TUSC3: variants seen among roughly 807,000 people sequenced by gnomAD.
TUSC3 encodes tumor suppressor candidate 3.
Under a neutral mutation model 44.8 loss-of-function variants are expected in TUSC3, and 45 were observed. That is an observed-to-expected ratio of 1.00 (90% confidence interval 0.79 to 1.29). TUSC3 has a LOEUF of 1.29. TUSC3 is among the 50% of genes most tolerant of loss of function. The probability of loss-of-function intolerance (pLI) is 0.00; values close to 1 mark genes in which losing one functional copy is unlikely to be tolerated. For synonymous variants in TUSC3, 212 were observed against 152.9 expected, an observed-to-expected ratio of 1.39 and a Z score of -2.85; for missense variants, 519 against 437.9, an observed-to-expected ratio of 1.19 and a Z score of -1.65.
intron 1 of TUSC3, among the ~76,000 whole-genome samples, chr8:15,460,374 T>G (rs1329802381): frequency 6.6e-6 from 1 of 152,196 alleles, no homozygotes; most frequent in East Asian, 1.9e-4. Flanking sequence ...TAGCCCAGTT[T>G]TCTATGGGAT....
At chr8:15,792,519 G>A in the TUSC3 span, among the ~76,000 whole-genome samples, 1 of 152,182 alleles carries the variant, frequency 6.6e-6, no homozygotes, top group Non-Finnish European at 1.5e-5. Flanking sequence ...TGAAATTCAT[G>A]ATCGGGGACC....
At chr8:15,844,692 T>C in the TUSC3 span, among the ~76,000 whole-genome samples, 1 of 152,204 alleles carries the variant, frequency 6.6e-6, no homozygotes, top group Non-Finnish European at 1.5e-5. Flanking sequence ...CCTAGGACAG[T>C]CATTCTTTAA....
the TUSC3 span, among the ~76,000 whole-genome samples, chr8:15,847,911 T>C: frequency 6.6e-6 from 1 of 152,190 alleles, no homozygotes; most frequent in African/African-American, 2.4e-5. Context: ...TGTGAGGTTA[T>C]TGTGAGAAAT....
chr8:15,641,491 G>A lies in TUSC3; in HGVS notation c.309-9206G>A, dbSNP rs552821171. ...GGGTCTGGTGCAGAGAGTGAGAGGGGAAGACACTAGAAGTAAGGTCTGAAA... is the reference window on the plus strand; with the variant it reads ...GGGTCTGGTGCAGAGAGTGAGAGGGAAAGACACTAGAAGTAAGGTCTGAAA... On this transcript the variant is annotated intron_variant, in intron 2 of 10. Coordinates refer to ENST00000503731, the MANE Select transcript of TUSC3 (RefSeq NM_006765.4). Among the ~76,000 whole-genome samples the A allele has an allele frequency of 2.0e-5, 3 of 152,268 alleles. No homozygotes were observed. In the South Asian group the frequency reaches 6.2e-4, roughly 32 times the overall value.
chr8:15,542,926 C>G (rs1041320813), intron 1 of TUSC3, among the ~76,000 whole-genome samples: 5 of 152,140 alleles, frequency 3.3e-5, no homozygotes, highest in African/African-American at 1.2e-4. Context: ...GGGATCATTT[C>G]TATAGTTTGT....
At chr8:15,654,241 T>G (rs1807048742) in intron 3 of TUSC3, among the ~76,000 whole-genome samples, 2 of 152,148 alleles carry the variant, frequency 1.3e-5, no homozygotes, top group Admixed American at 1.3e-4. Flanking sequence ...TTTACATGGT[T>G]GCTATAGACG....
chr8:15,738,835 T>C (rs1563198702), intron 7 of TUSC3, among the ~76,000 whole-genome samples: 1 of 126,484 alleles, frequency 7.9e-6, no homozygotes, highest in African/African-American at 2.9e-5. Flanking sequence ...TGCTTTTTTT[T>C]TTTTTTTTTT....
chr8:15,743,209 G>C (rs1449559163), intron 7 of TUSC3, among the ~76,000 whole-genome samples: 1 of 152,200 alleles, frequency 6.6e-6, no homozygotes, highest in African/African-American at 2.4e-5. Flanking sequence ...TCTATAAGCA[G>C]TGCATATCTT....
At chr8:15,430,974 T>C (rs904768578) in intron 1 of TUSC3, among the ~76,000 whole-genome samples, 19 of 151,912 alleles carry the variant, frequency 1.3e-4, no homozygotes, top group Non-Finnish European at 2.2e-4. Flanking sequence ...TTGTAATCTT[T>C]GGTTAAAGGT....
At position 15,483,816 on chromosome 8, in the gene TUSC3, C is replaced by A. The variant is rs375118908; in HGVS notation, n.189+333C>A. The stretch of plus-strand genomic sequence containing the variant: ...GACTACAGGCGCCAGCCACAATGCC[C>A]GGCTAATTTTTTTTGTATTTTTAGT... On this transcript the variant is annotated intron_variant and non_coding_transcript_variant, in intron 2 of 5. Transcript: ENST00000503191. 4.6e-5 allele frequency among the ~76,000 whole-genome samples: 7 copies of A among 151,638 alleles called. No individual in the cohort carries two copies. In the East Asian group the frequency reaches 9.8e-4, roughly 21 times the overall value.
chr8:15,848,187 G>C, the TUSC3 span, among the ~76,000 whole-genome samples: 1 of 152,036 alleles, frequency 6.6e-6, no homozygotes, highest in Admixed American at 6.6e-5. Context: ...AACTTACCTG[G>C]CACCTCAGCT....
chr8:15,515,369 C>G (rs1801202962), intron 2 of TUSC3, among the ~76,000 whole-genome samples: 1 of 152,084 alleles, frequency 6.6e-6, no homozygotes, highest in Non-Finnish European at 1.5e-5. Flanking sequence ...AGAATGAAGA[C>G]AAGAGTCCTG....
At chr8:15,666,437 A>G (rs1807664960) in intron 5 of TUSC3, among the ~76,000 whole-genome samples, 1 of 151,486 alleles carries the variant, frequency 6.6e-6, no homozygotes, top group Admixed American at 6.6e-5. Flanking sequence ...CAAATAAATT[A>G]TGTCATTTTA....
intron 6 of TUSC3, among the ~76,000 whole-genome samples, chr8:15,711,475 T>TGC (rs1355869272): frequency 2.0e-5 from 3 of 149,814 alleles, no homozygotes. Flanking sequence ...TGTGTGTGTG[T>TGC]GTGTGTGTGT....
At chr8:15,804,512 G>A in the TUSC3 span, among the ~76,000 whole-genome samples, 1 of 152,116 alleles carries the variant, frequency 6.6e-6, no homozygotes, top group African/African-American at 2.4e-5. Context: ...TGTATGTGGT[G>A]AGAGGTTGCG....
At chr8:15,681,448 G>C (rs1482682438) in intron 6 of TUSC3, among the ~76,000 whole-genome samples, 2 of 151,642 alleles carry the variant, frequency 1.3e-5, no homozygotes, top group East Asian at 1.9e-4. Context: ...AGATTTTCTA[G>C]TTTTTGTGCA....
chr8:15,497,831 G>A (rs556906635), intron 2 of TUSC3, among the ~76,000 whole-genome samples: 23 of 150,844 alleles, frequency 1.5e-4, no homozygotes, highest in African/African-American at 2.9e-4. Flanking sequence ...TGCAACCTCC[G>A]CCTCCCGGGT....
At chr8:15,517,249 T>C (rs1277108144) in intron 2 of TUSC3, among the ~76,000 whole-genome samples, 1 of 152,070 alleles carries the variant, frequency 6.6e-6, no homozygotes, top group Non-Finnish European at 1.5e-5. Flanking sequence ...AACAAATAAT[T>C]GATTTGTGTA....
chr8:15,582,309 C>T (rs1563302127), intron 1 of TUSC3, among the ~76,000 whole-genome samples: 1 of 152,238 alleles, frequency 6.6e-6, no homozygotes, highest in Non-Finnish European at 1.5e-5. Flanking sequence ...GGAGCTGTTC[C>T]TGTTCAGCCA....
Sources: gnomAD v4.1 joint callset for allele counts (sites outside exome capture counted in the v4.1 genomes callset) on GRCh38, gnomAD v4.1.1 for gene constraint, MANE v1.5 for transcripts, NCBI Gene and HGNC (gene_info 2026-07-23, HGNC 2026-07-21) for gene names.